Variants in ERBIN observed in about 807,000 individuals in gnomAD.
ERBIN encodes densin-180-like protein.
In ERBIN, 60 loss-of-function variants were observed where a neutral mutation model predicts 158.4. The ratio of observed to expected loss-of-function variants is 0.38; its 90% CI spans 0.31 to 0.47. The LOEUF (loss-of-function observed/expected upper bound fraction) is 0.47, where lower values mean the gene tolerates loss of function less well. ERBIN is among the 20% of genes least tolerant of loss of function. ERBIN has a pLI of 0.99. For synonymous variants in ERBIN, 594 were observed against 557.2 expected, an observed-to-expected ratio of 1.07 and a Z score of -0.93; for missense variants, 1,610 against 1,648.0, an observed-to-expected ratio of 0.98 and a Z score of 0.40.
intron 1 of ERBIN, among the ~76,000 whole-genome samples, chr5:65,984,329 A>C (rs1157824801): frequency 6.6e-6 from 1 of 152,150 alleles, no homozygotes; most frequent in Non-Finnish European, 1.5e-5. Context: ...CACTGAGGGC[A>C]GTTGGCCTGG....
chr5:66,043,411 A>G (rs1307130911), intron 16 of ERBIN, among the ~76,000 whole-genome samples: 2 of 152,164 alleles, frequency 1.3e-5, no homozygotes, highest in African/African-American at 4.8e-5. Context: ...ATTTCATAGT[A>G]TATATAAATA....
Position 66,053,854 on chromosome 5 carries a change from G to A in ERBIN, c.2536G>A (p.Asp846Asn). ...TEPHDSDCSV[D>N]LGISKSTEDL... is the part of the protein sequence containing the mutation. ...ACCACATGACAGTGATTGTTCTGTT[G>A]ACTTAGGTATTTCCAAAAGCACTGA... The change falls in exon 21 of 26, where the codon GAC (aspartate) becomes AAC (asparagine). Residue 846 changes from aspartate (D) to asparagine (N), a missense_variant. Asp to Asn is a conservative substitution (Grantham distance 23). Coordinates refer to ENST00000284037, the MANE Select transcript of ERBIN (RefSeq NM_001253697.2). 1.9e-6 allele frequency: 3 copies of A among 1,614,056 alleles called. No individual in the cohort carries two copies. Among genetic ancestry groups the A allele is most frequent in the Non-Finnish European group, 2.5e-6 (3 of 1,180,000 alleles).
intron 23 of ERBIN, chr5:66,076,055 T>A: frequency 2.5e-6 from 1 of 407,598 alleles, no homozygotes; most frequent in African/African-American, 2.1e-5. Context: ...GGGTCAATAT[T>A]AATTGATTCC....
intron 1 of ERBIN, among the ~76,000 whole-genome samples, chr5:65,963,347 C>T (rs1218115855): frequency 2.0e-4 from 31 of 152,198 alleles, no homozygotes; most frequent in Non-Finnish European, 1.5e-5. Flanking sequence ...CAAGTTATCA[C>T]TCTGTCAACT....
intron 1 of ERBIN, among the ~76,000 whole-genome samples, chr5:65,958,516 C>T (rs1747531521): frequency 6.6e-6 from 1 of 152,128 alleles, no homozygotes; most frequent in South Asian, 2.1e-4. Flanking sequence ...AGGCACTGGG[C>T]AGGCTGAGGC....
At chr5:65,983,489 C>T (rs1440559042) in intron 1 of ERBIN, among the ~76,000 whole-genome samples, 4 of 151,926 alleles carry the variant, frequency 2.6e-5, no homozygotes, top group African/African-American at 9.7e-5. Flanking sequence ...TATTTATGTA[C>T]TTATCAGTAA....
chr5:66,012,587 CAGA>C (rs1369366970), intron 5 of ERBIN, among the ~76,000 whole-genome samples: 1 of 152,134 alleles, frequency 6.6e-6, no homozygotes, highest in Non-Finnish European at 1.5e-5. Flanking sequence ...TGCAGTGTAT[CAGA>C]AGATTGTGAA....
In ERBIN at chr5:66,048,703, A is replaced by G. The variant is rs760581110; in HGVS notation, c.1825A>G (p.Met609Val). ...EELSSDEEMK[M>V]AEMRPPLIET... is the part of the protein sequence containing the mutation. ...ACTTTCTTCTGATGAAGAGATGAAA[A>G]TGGCGGAGATGCGACCACCATTAAT... The change falls in exon 19 of 26, where the codon ATG (methionine) becomes GTG (valine). Residue 609 changes from methionine (M) to valine (V), a missense_variant. Met to Val is a conservative substitution (Grantham distance 21). Coordinates refer to ENST00000284037, the MANE Select transcript of ERBIN (RefSeq NM_001253697.2). 5.0e-6 allele frequency: 8 copies of G among 1,608,910 alleles called. No homozygotes were observed. The highest frequency in any genetic ancestry group is 1.6e-4 in the Middle Eastern group (1 of 6,064).
intron 23 of ERBIN, chr5:66,076,011 C>A: frequency 3.3e-6 from 1 of 302,612 alleles, no homozygotes; most frequent in South Asian, 4.4e-5. Flanking sequence ...TGTACTATGT[C>A]ATATAAAATC....
chr5:65,991,096 A>T (rs908566369), intron 2 of ERBIN, among the ~76,000 whole-genome samples: 1 of 152,200 alleles, frequency 6.6e-6, no homozygotes, highest in South Asian at 2.1e-4. Context: ...AGGGAAATAC[A>T]TATCTTATTC....
chr5:66,061,127 C>G (rs1760245355), intron 21 of ERBIN, among the ~76,000 whole-genome samples: 1 of 152,066 alleles, frequency 6.6e-6, no homozygotes, highest in Non-Finnish European at 1.5e-5. Context: ...GTTGATCTGT[C>G]TAATGTTGAC....
At chr5:66,058,849 T>A (rs9686691) in intron 21 of ERBIN, among the ~76,000 whole-genome samples, 8,656 of 151,494 alleles carry the variant, frequency 0.057, 862 homozygotes, top group African/African-American at 0.2. Flanking sequence ...TAGTTGTAGA[T>A]ATGCGGCATT....
intron 1 of ERBIN, among the ~76,000 whole-genome samples, chr5:65,976,213 C>G (rs2150999264): frequency 6.6e-6 from 1 of 152,296 alleles, no homozygotes; most frequent in Non-Finnish European, 1.5e-5. Flanking sequence ...GTGGCTTACA[C>G]CTATAATCCC....
At chr5:66,055,809 C>T (rs1221420117) in intron 21 of ERBIN, among the ~76,000 whole-genome samples, 1 of 152,052 alleles carries the variant, frequency 6.6e-6, no homozygotes, top group Non-Finnish European at 1.5e-5. Flanking sequence ...TTAAAAATTC[C>T]TTAAATAAAA....
chr5:65,929,575 G>T (rs1207657646), intron 1 of ERBIN, among the ~76,000 whole-genome samples: 1 of 148,518 alleles, frequency 6.7e-6, no homozygotes, highest in East Asian at 2.0e-4. Context: ...GCTTGCTTCC[G>T]TTTTCTTTTT....
intron 1 of ERBIN, among the ~76,000 whole-genome samples, chr5:65,977,517 C>T (rs1423355318): frequency 4.0e-5 from 6 of 149,180 alleles, no homozygotes; most frequent in African/African-American, 1.2e-4. Flanking sequence ...ACATCCCGGA[C>T]GGGGCGGCAG....
At chr5:65,941,301 A>T (rs980337644) in intron 1 of ERBIN, among the ~76,000 whole-genome samples, 2 of 114,264 alleles carry the variant, frequency 1.8e-5, no homozygotes, top group South Asian at 6.0e-4. Context: ...AGAAACACCC[A>T]AGAATGATCA....
At chr5:66,063,804 A>G (rs1760714214) in intron 21 of ERBIN, among the ~76,000 whole-genome samples, 1 of 152,210 alleles carries the variant, frequency 6.6e-6, no homozygotes, top group Non-Finnish European at 1.5e-5. Context: ...TTTTCTGTTA[A>G]ATATACTTAT....
chr5:65,998,930 A>G (rs1752736220), intron 4 of ERBIN, among the ~76,000 whole-genome samples: 2 of 151,728 alleles, frequency 1.3e-5, no homozygotes, highest in African/African-American at 4.8e-5. Context: ...TTATGCCCAA[A>G]TAAGAAACAT....
Sources: gnomAD v4.1 joint callset for allele counts (sites outside exome capture counted in the v4.1 genomes callset) on GRCh38, gnomAD v4.1.1 for gene constraint, MANE v1.5 for transcripts, NCBI Gene and HGNC (gene_info 2026-07-23, HGNC 2026-07-21) for gene names.